SPAG16: variants seen among roughly 807,000 people sequenced by gnomAD.
The protein encoded by SPAG16 is sperm associated antigen 16.
Under a neutral mutation model 80.4 loss-of-function variants are expected in SPAG16, and 86 were observed. The observed-to-expected ratio is 1.07, with a 90% confidence interval of 0.90 to 1.28. The LOEUF is 1.28. SPAG16 is among the 50% of genes most tolerant of loss of function. The pLI is 0.00. For synonymous variants in SPAG16, 294 were observed against 265.9 expected, an observed-to-expected ratio of 1.11 and a Z score of -1.03; for missense variants, 870 against 765.3, an observed-to-expected ratio of 1.14 and a Z score of -1.61.
chr2:214,319,225 A>ACACACACACACACACACAC (rs1189650614), intron 15 of SPAG16, among the ~76,000 whole-genome samples: 532 of 20,188 alleles, frequency 0.026, 8 homozygotes, highest in Middle Eastern at 0.059. Context: ...CACACACACA[A>ACACACACACACACACACAC]GAAGTGTAGA....
At chr2:214,169,202 G>A (rs2056783576) in intron 15 of SPAG16, among the ~76,000 whole-genome samples, 1 of 151,810 alleles carries the variant, frequency 6.6e-6, no homozygotes, top group Non-Finnish European at 1.5e-5. Flanking sequence ...TTATTTCTTG[G>A]ACTATAATAG....
At chr2:214,374,921 A>T (rs1477298326) in intron 15 of SPAG16, among the ~76,000 whole-genome samples, 1 of 152,202 alleles carries the variant, frequency 6.6e-6, no homozygotes, top group African/African-American at 2.4e-5. Context: ...TGTGGTCTGC[A>T]TGATTCAATA....
chr2:213,586,964 G>A (rs1443736244), intron 10 of SPAG16, among the ~76,000 whole-genome samples: 4 of 152,182 alleles, frequency 2.6e-5, no homozygotes, highest in African/African-American at 9.7e-5. Context: ...TGTCTTCAGT[G>A]TCTCTGTGCC....
intron 13 of SPAG16, among the ~76,000 whole-genome samples, chr2:214,073,100 A>G (rs2050877101): frequency 6.6e-6 from 1 of 152,178 alleles, no homozygotes; most frequent in African/African-American, 2.4e-5. Context: ...GTAACAAACA[A>G]CTAGAAAATT....
chr2:214,410,213 A>C lies in SPAG16; in HGVS notation c.1794A>C (p.Lys598Asn), dbSNP rs776782201. 6.2e-7 allele frequency: 1 copy of C among 1,613,660 alleles called. No homozygotes were observed. The highest frequency in any genetic ancestry group is 1.1e-5 in the South Asian group (1 of 91,080). ...ATCTTAAATCTGGGGAGATTCACAA[A>C]TTGATGGGCCACGAAAACGAGGCAC... Reference protein sequence around the residue: ...LLDLKSGEIHKLMGHENEAHT... With the variant: ...LLDLKSGEIHNLMGHENEAHT... The change falls in exon 16 of 16, where the codon AAA becomes AAC. Residue 598 changes from lysine to asparagine, a missense_variant. Coordinates refer to ENST00000331683, the MANE Select transcript of SPAG16 (RefSeq NM_024532.5).
chr2:213,615,506 G>A (rs546634281), intron 10 of SPAG16, among the ~76,000 whole-genome samples: 3 of 152,134 alleles, frequency 2.0e-5, no homozygotes, highest in South Asian at 2.1e-4. Flanking sequence ...CAGGAAAATC[G>A]CTTGAACCTG....
intron 10 of SPAG16, among the ~76,000 whole-genome samples, chr2:213,852,953 C>T (rs2074979834): frequency 6.6e-6 from 1 of 152,182 alleles, no homozygotes; most frequent in South Asian, 2.1e-4. Context: ...AGCTAAGCAA[C>T]AGTCAGACAA....
chr2:214,326,684 G>A (rs964996244), intron 15 of SPAG16, among the ~76,000 whole-genome samples: 5 of 152,000 alleles, frequency 3.3e-5, no homozygotes, highest in East Asian at 3.9e-4. Context: ...GGTGGCTCAC[G>A]CCTGTAATCC....
At position 213,425,560 on chromosome 2, in the gene SPAG16, G is replaced by A. The variant is rs538508957; in HGVS notation, c.942+50441G>A. On this transcript the variant is annotated intron_variant, in intron 9 of 15. Transcript: ENST00000331683. The stretch of plus-strand genomic sequence containing the variant: ...CCAGCTACTCAAGAGGCTGAGGCAG[G>A]GGAATTGCTTGAACCAGGAAGGTAG... 2.9e-4 allele frequency among the ~76,000 whole-genome samples: 44 copies of A among 151,852 alleles called. No homozygotes were observed. In the East Asian group the frequency reaches 8.0e-3, roughly 27 times the overall value.
At chr2:213,404,090 C>T (rs1435294352) in intron 9 of SPAG16, among the ~76,000 whole-genome samples, 9 of 152,122 alleles carry the variant, frequency 5.9e-5, no homozygotes, top group Non-Finnish European at 1.0e-4. Flanking sequence ...ATTCCATGCT[C>T]ATGGGTAGGA....
chr2:214,395,992 C>T (rs557851546), intron 15 of SPAG16, among the ~76,000 whole-genome samples: 2 of 152,196 alleles, frequency 1.3e-5, no homozygotes, highest in South Asian at 2.1e-4. Context: ...AATGAACACA[C>T]GTGTGCATGT....
intron 11 of SPAG16, among the ~76,000 whole-genome samples, chr2:213,863,020 A>G (rs2075543315): frequency 6.6e-6 from 1 of 152,240 alleles, no homozygotes; most frequent in Non-Finnish European, 1.5e-5. Context: ...AAAAAGGATC[A>G]GATAGCTGCG....
intron 15 of SPAG16, among the ~76,000 whole-genome samples, chr2:214,328,006 G>A (rs1464394988): frequency 6.6e-6 from 1 of 152,090 alleles, no homozygotes; most frequent in Non-Finnish European, 1.5e-5. Flanking sequence ...TCATCTTTGT[G>A]TATGTTCCTA....
At chr2:214,347,160 C>T (rs1912215) in intron 15 of SPAG16, among the ~76,000 whole-genome samples, 85,957 of 151,948 alleles carry the variant, frequency 0.57, 28,527 homozygotes, top group Non-Finnish European at 0.74. Flanking sequence ...ACCCTGGCTA[C>T]GTAGCTGTGG....
At chr2:213,875,025 T>C (rs2076090399) in intron 11 of SPAG16, among the ~76,000 whole-genome samples, 1 of 152,092 alleles carries the variant, frequency 6.6e-6, no homozygotes, top group Admixed American at 6.6e-5. Context: ...CACTGCAGCC[T>C]AGAACTCCTG....
At chr2:213,833,577 A>ATTATATATATATTATATATATT (rs1491221755) in intron 10 of SPAG16, among the ~76,000 whole-genome samples, 78 of 6,558 alleles carry the variant, frequency 0.012, 17 homozygotes, top group South Asian at 0.06. Context: ...ATATATATAT[A>ATTATATATATATTATATATATT]ATATATATAT....
chr2:214,011,255 A>C (rs1231736402), intron 12 of SPAG16, among the ~76,000 whole-genome samples: 5 of 146,452 alleles, frequency 3.4e-5, no homozygotes, highest in Non-Finnish European at 7.4e-5. Context: ...AGAAACTTAA[A>C]AAATGTTCAT....
At chr2:213,467,748 C>G (rs1173899706) in intron 9 of SPAG16, among the ~76,000 whole-genome samples, 1 of 152,216 alleles carries the variant, frequency 6.6e-6, no homozygotes, top group East Asian at 1.9e-4. Context: ...GAGTCTGGCT[C>G]TGGACTCAGT....
chr2:213,728,254 G>C (rs1160243370), intron 10 of SPAG16, among the ~76,000 whole-genome samples: 1 of 152,210 alleles, frequency 6.6e-6, no homozygotes, highest in Non-Finnish European at 1.5e-5. Flanking sequence ...GTTCCAAGTA[G>C]TTGGTGAGAG....
Sources: allele counts gnomAD v4.1 joint callset (sites outside exome capture counted in the v4.1 genomes callset), GRCh38; gene constraint gnomAD v4.1.1; transcripts MANE v1.5; gene names NCBI Gene and HGNC (gene_info 2026-07-23, HGNC 2026-07-21).